Variants in ENDOU observed in about 807,000 individuals in gnomAD.
The protein encoded by ENDOU is uridylate-specific endoribonuclease.
In ENDOU, 49 loss-of-function variants were observed where a neutral mutation model predicts 54.2. The observed-to-expected ratio is 0.90, with a 90% CI of 0.72 to 1.15. The LOEUF is 1.15. Ranked by LOEUF, ENDOU falls within the 50% of genes most tolerant of loss-of-function variation. The pLI, the probability that ENDOU is intolerant of heterozygous loss-of-function variation, is 0.00. For missense variants in ENDOU, 458 were observed against 511.4 expected (o/e 0.90, Z 1.01); for synonymous variants, 172 against 190.5 (o/e 0.90, Z 0.80).
chr12:47,718,333 T>G (rs1940330431), intron 2 of ENDOU, 139 bp from the exon 3 acceptor site: 9 of 657,396 alleles, frequency 1.4e-5, no homozygotes, highest in Non-Finnish European at 2.4e-5. Context: ...TGGGGTCCAA[T>G]GGACAGGCAC....
chr12:47,716,581 G>T, intron 5 of ENDOU, 82 bp from the exon 6 acceptor site: 1 of 1,339,720 alleles, frequency 7.5e-7, no homozygotes, highest in Non-Finnish European at 1.0e-6. Context: ...ACAGGCCAGG[G>T]GCAGACAGGC....
chr12:47,725,436 A>G lies in ENDOU; in HGVS notation c.-23T>C, dbSNP rs900344484. ...CATGGTGCCCAGTTGGAGGCCAAAA[A>G]GGGAGTGGCTGTTGGACTTTCACTA... On this transcript the variant is annotated 5_prime_UTR_variant, in exon 1 of 10. Transcript: ENST00000422538. 4 of 1,613,328 alleles carry G rather than the reference A, an allele frequency of 2.5e-6. No individual in the cohort carries two copies. The highest frequency in any genetic ancestry group is 1.6e-4 in the Middle Eastern group (1 of 6,062).
intron 3 of ENDOU, 24 bp downstream of exon 3, chr12:47,718,105 C>CT: frequency 6.4e-7 from 1 of 1,553,408 alleles, no homozygotes; most frequent in Non-Finnish European, 8.7e-7. Context: ...TCTTGAGGGC[C>CT]CCCCTTTGGG....
chr12:47,717,287 G>T (rs1410300899), intron 4 of ENDOU, among the ~76,000 whole-genome samples: 1 of 152,172 alleles, frequency 6.6e-6, no homozygotes, highest in East Asian at 1.9e-4. Flanking sequence ...CCCTAGAAGG[G>T]GTCTCACGCT....
chr12:47,725,280 C>T, intron 1 of ENDOU, 79 bp downstream of exon 1: 3 of 1,522,774 alleles, frequency 2.0e-6, no homozygotes, highest in East Asian at 2.3e-5. Flanking sequence ...CTGCCCTCTA[C>T]CAAGTTCTCC....
Position 47,713,328 on chromosome 12 carries a change from T to C in ENDOU, c.812A>G (p.Tyr271Cys), listed in dbSNP as rs762747488. Residue 271 changes from tyrosine (Y) to cysteine (C), a missense_variant, in exon 7 of 10, where the codon TAT (tyrosine) becomes TGT (cysteine). Coordinates refer to ENST00000422538, the MANE Select transcript of ENDOU (RefSeq NM_001172439.2). Reference sequence around the variant, plus strand: ...GTCCCCCTCTTCATTGCCTCTTGAATAGAGCCCAAACCACATGTTCTTCAA... The same window carrying C: ...GTCCCCCTCTTCATTGCCTCTTGAACAGAGCCCAAACCACATGTTCTTCAA... ...DDLKNMWFGL[Y>C]SRGNEEGDSS... The C allele has an allele frequency of 1.3e-5, 21 of 1,613,910 alleles. No homozygotes were observed. The South Asian group carries it at 2.0e-4, about 15-fold the overall frequency.
intron 5 of ENDOU, 64 bp downstream of exon 5, chr12:47,716,826 C>A: frequency 6.5e-7 from 1 of 1,536,106 alleles, no homozygotes; most frequent in South Asian, 1.1e-5. Flanking sequence ...AAAGTCGAGA[C>A]ATCGAAAGAA....
At chr12:47,722,647 T>C (rs770633528) in intron 1 of ENDOU, among the ~76,000 whole-genome samples, 1 of 152,184 alleles carries the variant, frequency 6.6e-6, no homozygotes, top group Non-Finnish European at 1.5e-5. Context: ...ACACTTAATC[T>C]AGCTGACACT....
intron 3 of ENDOU, chr12:47,717,869 C>T (rs1170944916): frequency 1.6e-6 from 1 of 608,784 alleles, no homozygotes; most frequent in Non-Finnish European, 2.9e-6. Context: ...TTTTTCTAAT[C>T]TTCTCATTCT....
rs560628243 is a variant in ENDOU, at chr12:47,710,156, C to T, written c.*646G>A. On this transcript the variant is annotated 3_prime_UTR_variant, in exon 10 of 10. Transcript: ENST00000422538. Reference sequence around the variant, plus strand: ...CCCCCAGCCCATTCACTGCACCAACCTATTACCCTTCTCCATTCAGCATTG... The same window carrying T: ...CCCCCAGCCCATTCACTGCACCAACTTATTACCCTTCTCCATTCAGCATTG... 1 of 152,418 alleles carries T rather than the reference C, an allele frequency of 6.6e-6. No individual in the cohort carries two copies. The highest frequency in any genetic ancestry group is 1.9e-4 in the East Asian group (1 of 5,188). 9.4% of individuals were successfully genotyped at this position (152,418 alleles called of 1,614,324 possible).
intron 1 of ENDOU, among the ~76,000 whole-genome samples, chr12:47,722,747 C>T (rs904485839): frequency 2.4e-4 from 37 of 152,158 alleles, no homozygotes; most frequent in African/African-American, 8.7e-4. Context: ...CACTACAGGT[C>T]TGTATTCTTT....
intron 9 of ENDOU, 91 bp from the exon 10 acceptor site, chr12:47,711,010 G>A (rs994790068): frequency 1.3e-6 from 1 of 778,476 alleles, no homozygotes; most frequent in African/African-American, 1.7e-5. Flanking sequence ...GAAGCAGAAG[G>A]GCTCCATTCT....
chr12:47,711,033 T>C (rs1185012501), intron 9 of ENDOU, 114 bp from the exon 10 acceptor site: 2 of 604,886 alleles, frequency 3.3e-6, no homozygotes, highest in Non-Finnish European at 5.8e-6. Flanking sequence ...TTAAACAGCC[T>C]TAAAGACAGA....
intron 2 of ENDOU, among the ~76,000 whole-genome samples, chr12:47,718,528 A>G (rs1414706196): frequency 6.6e-6 from 1 of 152,196 alleles, no homozygotes; most frequent in Non-Finnish European, 1.5e-5. Context: ...TGCTGTCCTA[A>G]TGACAAAGCC....
chr12:47,723,196 T>C (rs1443602027), intron 1 of ENDOU, among the ~76,000 whole-genome samples: 1 of 152,228 alleles, frequency 6.6e-6, no homozygotes, highest in Non-Finnish European at 1.5e-5. Flanking sequence ...GGCTTTTTCA[T>C]CTCTGCTCAA....
At chr12:47,718,330 C>CTG (rs1940329785) in intron 2 of ENDOU, 136 bp from the exon 3 acceptor site, 9 of 663,596 alleles carry the variant, frequency 1.4e-5, no homozygotes, top group Non-Finnish European at 2.4e-5. Context: ...GGCTGGGGTC[C>CTG]AATGGACAGG....
At chr12:47,723,975 G>A (rs1162756560) in intron 1 of ENDOU, among the ~76,000 whole-genome samples, 1 of 152,166 alleles carries the variant, frequency 6.6e-6, no homozygotes, top group Non-Finnish European at 1.5e-5. Flanking sequence ...CAAGTGCAGA[G>A]CCTCTTCCCT....
At chr12:47,713,117 C>CTG (rs1940091549) in intron 7 of ENDOU, among the ~76,000 whole-genome samples, 158 bp downstream of exon 7, 1 of 152,128 alleles carries the variant, frequency 6.6e-6, no homozygotes, top group African/African-American at 2.4e-5. Flanking sequence ...CAGACACCCC[C>CTG]CCGCCCCCCT....
intron 6 of ENDOU, among the ~76,000 whole-genome samples, chr12:47,715,209 G>T (rs1194906743): frequency 6.6e-6 from 1 of 152,220 alleles, no homozygotes. Flanking sequence ...AGCTGGGGCA[G>T]GTGCAGCCTT....
Sources: gnomAD v4.1 joint callset for allele counts (sites outside exome capture counted in the v4.1 genomes callset) on GRCh38, gnomAD v4.1.1 for gene constraint, MANE v1.5 for transcripts, NCBI Gene and HGNC (gene_info 2026-07-23, HGNC 2026-07-21) for gene names.